The following PLEKHG7 variants were observed in gnomAD, a reference collection of about 807,000 sequenced individuals.
The protein encoded by PLEKHG7 is pleckstrin homology and RhoGEF domain containing G7.
A neutral mutation model predicts 85.2 loss-of-function variants in PLEKHG7; 77 were observed. That is an observed-to-expected ratio of 0.90 (90% CI 0.75 to 1.09). PLEKHG7 has a LOEUF of 1.09. PLEKHG7 is among the 50% of genes least tolerant of loss of function. The pLI, the probability that PLEKHG7 is intolerant of heterozygous loss-of-function variation, is 0.00. For synonymous variants in PLEKHG7, 301 were observed against 302.4 expected, an observed-to-expected ratio of 1.00 and a Z score of 0.05; for missense variants, 777 against 804.3, an observed-to-expected ratio of 0.97 and a Z score of 0.41.
chr12:92,714,340 G>A (rs1433399181), intron 3 of PLEKHG7, among the ~76,000 whole-genome samples: 4 of 152,122 alleles, frequency 2.6e-5, no homozygotes, highest in Non-Finnish European at 5.9e-5. Flanking sequence ...AAAAAGCATT[G>A]TCAGAATTTA....
intron 15 of PLEKHG7, among the ~76,000 whole-genome samples, 191 bp from the exon 16 acceptor site, chr12:92,768,792 T>C (rs1488823066): frequency 6.6e-6 from 1 of 152,098 alleles, no homozygotes; most frequent in East Asian, 1.9e-4. Context: ...TAGGCTTTAT[T>C]TGGACATAGT....
intron 1 of PLEKHG7, among the ~76,000 whole-genome samples, chr12:92,705,186 G>A (rs1439380301): frequency 6.6e-6 from 1 of 152,146 alleles, no homozygotes; most frequent in East Asian, 1.9e-4. Flanking sequence ...GTGTGGGAGT[G>A]AATATTCAGA....
At chr12:92,738,785 T>C (rs1489854966) in intron 7 of PLEKHG7, among the ~76,000 whole-genome samples, 2 of 152,210 alleles carry the variant, frequency 1.3e-5, no homozygotes, top group African/African-American at 4.8e-5. Flanking sequence ...TTGAAATCTA[T>C]CAAGTGCTAT....
intron 3 of PLEKHG7, among the ~76,000 whole-genome samples, chr12:92,727,962 G>GTGTGTGTGTGTGTGTA (rs760170614): frequency 2.7e-4 from 26 of 96,546 alleles, no homozygotes; most frequent in East Asian, 1.1e-3. Flanking sequence ...GTGTGTGTGT[G>GTGTGTGTGTGTGTGTA]TATATATATA....
At chr12:92,767,158 A>G (rs976639001) in intron 15 of PLEKHG7, among the ~76,000 whole-genome samples, 2 of 152,238 alleles carry the variant, frequency 1.3e-5, no homozygotes, top group Non-Finnish European at 2.9e-5. Flanking sequence ...GAGAAAAAAC[A>G]TAGTATGGTG....
In PLEKHG7 at chr12:92,764,058, C is replaced by A; in HGVS notation, c.1734C>A (p.Asp578Glu). 3.7e-6 allele frequency: 6 copies of A among 1,603,746 alleles called. No homozygotes were observed. The highest frequency in any genetic ancestry group is 5.1e-6 in the Non-Finnish European group (6 of 1,174,776). The change falls in exon 15 of 17, where the codon GAC becomes GAA. Residue 578 changes from aspartate (D) to glutamate (E), a missense_variant. By Grantham distance (45) the Asp-to-Glu change is conservative. Transcript: ENST00000344636. ...AATTTCAGAAACTTGGAGGCTCAGA[C>A]CCTGGTTTAATGTGTCCTTCTCTTA... ...KCNKKKLGGS[D>E]PGLMCPSLTP...
At chr12:92,710,813 G>T (rs770829261) in intron 3 of PLEKHG7, among the ~76,000 whole-genome samples, 1 of 152,268 alleles carries the variant, frequency 6.6e-6, no homozygotes, top group East Asian at 1.9e-4. Context: ...TGGGCCCATC[G>T]GGCAATGACA....
Position 92,754,242 on chromosome 12 carries a change from G to T in PLEKHG7, c.1404G>T (p.Lys468Asn). Residue 468 changes from lysine to asparagine, a missense_variant, in exon 11 of 17, where the codon AAG becomes AAT. Around this residue, in one of 3 missense-constraint regions of PLEKHG7, gnomAD observed 520 missense variants for 544.0 expected, o/e 0.96. Transcript: ENST00000344636. The part of the protein sequence containing the change: ...SAEKIMIYSI[K>N]EKVEKSIRDL... ...AGAAAATCATGATCTACTCCATCAA[G>T]GAAAAGGTGGAAAAGTCCATCCGTA... 1 of 1,613,870 alleles carries T rather than the reference G, an allele frequency of 6.2e-7. No individual in the cohort carries two copies. Among genetic ancestry groups the T allele is most frequent in the Non-Finnish European group, 8.5e-7 (1 of 1,179,894 alleles).
intron 4 of PLEKHG7, among the ~76,000 whole-genome samples, chr12:92,731,663 C>T (rs1391564235): frequency 6.6e-6 from 1 of 152,184 alleles, no homozygotes; most frequent in African/African-American, 2.4e-5. Flanking sequence ...CTTCTCAAGT[C>T]AAAGCAACTC....
At chr12:92,732,684 A>C (rs987529163) in intron 5 of PLEKHG7, among the ~76,000 whole-genome samples, 1 of 152,242 alleles carries the variant, frequency 6.6e-6, no homozygotes, top group Non-Finnish European at 1.5e-5. Flanking sequence ...CAGATTCTGC[A>C]AATACACTTC....
rs1445138288 is a variant in PLEKHG7, at chr12:92,741,490, G to A, written c.1036-1G>A. On this transcript the variant is annotated splice_acceptor_variant, in intron 8 of 16. Transcript: ENST00000344636. LOFTEE classifies it high-confidence loss of function. ...TTTGTTTTCTTTCTCTCTGTCCCTA[G>A]ACAAGCCTTGGTTTTGTGAACAGTC... The A allele has an allele frequency of 6.2e-7, 1 of 1,604,496 alleles. No individual in the cohort carries two copies. Among genetic ancestry groups the A allele is most frequent in the Non-Finnish European group, 8.5e-7 (1 of 1,175,942 alleles).
intron 1 of PLEKHG7, among the ~76,000 whole-genome samples, chr12:92,703,338 G>T (rs1871138707): frequency 6.6e-6 from 1 of 152,134 alleles, no homozygotes; most frequent in South Asian, 2.1e-4. Context: ...CTCAAAGCTT[G>T]GAAGGTCAAA....
At position 92,745,518 on chromosome 12, in the gene PLEKHG7, G is replaced by A. The variant is rs927771974; in HGVS notation, c.1178G>A (p.Cys393Tyr). Residue 393 changes from cysteine to tyrosine, a missense_variant, in exon 10 of 17, where the codon TGC (cysteine) becomes TAC (tyrosine). Cys to Tyr is a radical substitution (Grantham distance 194, BLOSUM62 -2). Around this residue, in one of 3 missense-constraint regions of PLEKHG7, gnomAD observed 520 missense variants for 544.0 expected, o/e 0.96. Transcript: ENST00000344636. ...CTCTGTCAGAGCCACCAGACCTACT[G>A]CCTGAACTATTCAGCTGCTATCTTT... The part of the protein sequence containing the change: ...GSLCQSHQTY[C>Y]LNYSAAIFYL... 3 of 1,613,990 alleles carry A rather than the reference G, an allele frequency of 1.9e-6. No individual in the cohort carries two copies. Among genetic ancestry groups the A allele is most frequent in the Non-Finnish European group, 2.5e-6 (3 of 1,179,892 alleles).
In PLEKHG7 at chr12:92,741,494, A is replaced by G. The variant is rs1428315556; in HGVS notation, c.1039A>G (p.Ser347Gly). ...TTTTCTTTCTCTCTGTCCCTAGACA[A>G]GCCTTGGTTTTGTGAACAGTCTCTT... ...FANLEELTQT[S>G]LGFVNSLFGI... Residue 347 changes from serine (S) to glycine (G), a missense_variant, in exon 9 of 17, where the codon AGC becomes GGC. Around this residue, in one of 3 missense-constraint regions of PLEKHG7, gnomAD observed 520 missense variants for 544.0 expected, o/e 0.96. Transcript: ENST00000344636. 1 of 1,605,328 alleles carries G rather than the reference A, an allele frequency of 6.2e-7. No individual in the cohort carries two copies. The highest frequency in any genetic ancestry group is 1.3e-5 in the African/African-American group (1 of 74,636).
chr12:92,736,999 G>A (rs551199794), intron 6 of PLEKHG7, among the ~76,000 whole-genome samples: 1 of 152,126 alleles, frequency 6.6e-6, no homozygotes, highest in Admixed American at 6.5e-5. Context: ...ACGGAACCTG[G>A]AATCAGACTT....
chr12:92,767,887 G>C (rs1185047774), intron 15 of PLEKHG7, among the ~76,000 whole-genome samples: 7 of 152,048 alleles, frequency 4.6e-5, no homozygotes, highest in Non-Finnish European at 7.4e-5. Flanking sequence ...GTTTTTGTTT[G>C]TTTGTTTCTA....
chr12:92,706,774 C>G lies in PLEKHG7; in HGVS notation c.143C>G (p.Ser48Trp). 1 of 1,614,036 alleles carries G rather than the reference C, an allele frequency of 6.2e-7. No homozygotes were observed. Among genetic ancestry groups the G allele is most frequent in the East Asian group, 2.2e-5 (1 of 44,874 alleles). The change falls in exon 2 of 17, where the codon TCG becomes TGG. Residue 48 changes from serine (S) to tryptophan (W), a missense_variant. Transcript: ENST00000344636. ...CAAGCCCCAGGCCGCATCTCCACCTCGCCCACTTTGAGGAGATTAAGGACC... is the reference window on the plus strand; with the variant it reads ...CAAGCCCCAGGCCGCATCTCCACCTGGCCCACTTTGAGGAGATTAAGGACC... ...DRQAPGRIST[S>W]PTLRRLRTRG...
intron 1 of PLEKHG7, among the ~76,000 whole-genome samples, chr12:92,705,371 A>G (rs1871203803): frequency 6.6e-6 from 1 of 152,254 alleles, no homozygotes; most frequent in Non-Finnish European, 1.5e-5. Flanking sequence ...GAAGCAAATA[A>G]TACACCCTAG....
chr12:92,728,044 G>A (rs1454010813), intron 3 of PLEKHG7, among the ~76,000 whole-genome samples: 1 of 89,776 alleles, frequency 1.1e-5, no homozygotes, highest in Non-Finnish European at 2.1e-5. Flanking sequence ...ATTCCATGGT[G>A]TATATATAAA....
Sources: gnomAD v4.1 joint callset for allele counts (sites outside exome capture counted in the v4.1 genomes callset) on GRCh38, gnomAD v4.1.1 for gene constraint, gnomAD v4.1.1 regional missense constraint, MANE v1.5 for transcripts, NCBI Gene and HGNC (gene_info 2026-07-23, HGNC 2026-07-21) for gene names.